ADGRB2: variants seen among roughly 807,000 people sequenced by gnomAD.
ADGRB2 encodes brain-specific angiogenesis inhibitor 2.
In ADGRB2, 47 loss-of-function variants were observed where a neutral mutation model predicts 178.7. The observed-to-expected ratio is 0.26, with a 90% CI of 0.21 to 0.34. The LOEUF is 0.34. Ranked by LOEUF, ADGRB2 falls within the 10% of genes least tolerant of loss-of-function variation. The pLI is 1.00. For synonymous variants in ADGRB2, 870 were observed against 912.4 expected (o/e 0.95, Z 0.84); for missense variants, 1,584 against 2,180.8 (o/e 0.73, Z 5.45).
Position 31,741,588 on chromosome 1 carries a change from G to GGGT in ADGRB2, c.1687+33_1687+35dup, listed in dbSNP as rs772455752. 1.2e-5 allele frequency: 20 copies of GGGT among 1,606,288 alleles called. No individual in the cohort carries two copies. Among genetic ancestry groups the GGGT allele is most frequent in the East Asian group, 8.9e-5 (4 of 44,790 alleles). On this transcript the variant is annotated intron_variant, in intron 10 of 32. Coordinates refer to ENST00000373658, the MANE Select transcript of ADGRB2 (RefSeq NM_001364857.2). This position sits in a 1 kb window ranked among gnomAD's most constrained non-coding sequence, Gnocchi z 6.5. ...CAGAAGGGGGCAATGAGAATGGCAG[G>GGGT]GGTGGTGGTGGTGGGGAAAGCCACC...
intron 4 of ADGRB2, among the ~76,000 whole-genome samples, chr1:31,748,010 C>T (rs1008525953): frequency 7.2e-5 from 11 of 152,222 alleles, no homozygotes; most frequent in Non-Finnish European, 2.9e-5. Context: ...TGCCCATCGT[C>T]GTGTCTGGGG....
chr1:31,729,600 C>T (rs1012064857), intron 29 of ADGRB2, among the ~76,000 whole-genome samples: 9 of 152,376 alleles, frequency 5.9e-5, no homozygotes, highest in Middle Eastern at 6.8e-3. Flanking sequence ...AGGCACTGCA[C>T]ATGCAGCTCA....
rs1221025659 is a variant in ADGRB2 at position 31,753,566 on chromosome 1, G to A, written c.838+2433C>T. Among the ~76,000 whole-genome samples the A allele has an allele frequency of 2.0e-5, 3 of 152,166 alleles. No homozygotes were observed. Among genetic ancestry groups the A allele is most frequent in the Non-Finnish European group, 4.4e-5 (3 of 68,028 alleles). ...GCCTGGGAGAGGGGCCAGGACAAGGGTCTCACCCTTCCTGCTCACTACCAT... is the reference window on the plus strand; with the variant it reads ...GCCTGGGAGAGGGGCCAGGACAAGGATCTCACCCTTCCTGCTCACTACCAT... On this transcript the variant is annotated intron_variant, in intron 4 of 32. Coordinates refer to ENST00000373658, the MANE Select transcript of ADGRB2 (RefSeq NM_001364857.2). The surrounding 1 kb of genome is among the most constrained non-coding windows in gnomAD (Gnocchi z 4.1).
rs778857485 is a variant in ADGRB2, at chr1:31,728,288, C to T, written c.4417-8G>A. ...CCGGGTGTGCATCACCTTCTAGGGG[C>T]CACAGGGCATCAGAGGGTCGCTCCC... On this transcript the variant is annotated splice_polypyrimidine_tract_variant and splice_region_variant and intron_variant, in intron 30 of 32. Transcript: ENST00000373658. This position sits in a 1 kb window ranked among gnomAD's most constrained non-coding sequence, Gnocchi z 6.7. 3.7e-6 allele frequency: 6 copies of T among 1,613,246 alleles called. No individual in the cohort carries two copies. The highest frequency in any genetic ancestry group is 5.1e-6 in the Non-Finnish European group (6 of 1,179,712).
chr1:31,757,891 G>A (rs576919526), intron 1 of ADGRB2, among the ~76,000 whole-genome samples: 16 of 152,254 alleles, frequency 1.1e-4, no homozygotes, highest in Middle Eastern at 3.4e-3. Context: ...CTCCCAACAG[G>A]TGTGAATGTA....
chr1:31,742,785 A>AC, intron 7 of ADGRB2, 53 bp downstream of exon 7: 1 of 1,361,592 alleles, frequency 7.3e-7, no homozygotes, highest in African/African-American at 1.5e-5. Context: ...AGGTCTCCCG[A>AC]CCCCCCACCG....
chr1:31,727,776 G>A lies in ADGRB2; in HGVS notation c.4573-171C>T, dbSNP rs1283476842. 3 of 884,108 alleles carry A rather than the reference G, an allele frequency of 3.4e-6. No homozygotes were observed. The highest frequency in any genetic ancestry group is 3.0e-5 in the Admixed American group (1 of 33,436). 54.8% of individuals were successfully genotyped at this position (884,108 alleles called of 1,614,324 possible). The stretch of plus-strand genomic sequence containing the variant: ...TGCCTGGTTCCAGGGTGGGGCTCCT[G>A]ACCCCTGTTCTCAGTGGCCCCCAGG... On this transcript the variant is annotated intron_variant, in intron 32 of 32. Coordinates refer to ENST00000373658, the MANE Select transcript of ADGRB2 (RefSeq NM_001364857.2). This position sits in a 1 kb window ranked among gnomAD's most constrained non-coding sequence, Gnocchi z 4.4.
In ADGRB2 at chr1:31,741,603, G is replaced by A. The variant is rs1158644075; in HGVS notation, c.1687+21C>T. On this transcript the variant is annotated intron_variant, in intron 10 of 32. Transcript: ENST00000373658. This position sits in a 1 kb window ranked among gnomAD's most constrained non-coding sequence, Gnocchi z 6.5. Reference sequence around the variant, plus strand: ...AGAATGGCAGGGGTGGTGGTGGTGGGGAAAGCCACCTGCCCCTTACCTGAG... The same window carrying A: ...AGAATGGCAGGGGTGGTGGTGGTGGAGAAAGCCACCTGCCCCTTACCTGAG... 6.2e-7 allele frequency: 1 copy of A among 1,610,552 alleles called. No individual in the cohort carries two copies. Among genetic ancestry groups the A allele is most frequent in the African/African-American group, 1.3e-5 (1 of 74,830 alleles).
chr1:31,754,608 A>G lies in ADGRB2; in HGVS notation c.838+1391T>C, dbSNP rs1557787143. 1.3e-5 allele frequency among the ~76,000 whole-genome samples: 2 copies of G among 152,248 alleles called. No homozygotes were observed. The highest frequency in any genetic ancestry group is 2.9e-5 in the Non-Finnish European group (2 of 68,034). ...TCGGACGGCTTCATTGACCGCCGTTAGAGGCCAAGCTAGCCTGGGAGAGAG... is the reference window on the plus strand; with the variant it reads ...TCGGACGGCTTCATTGACCGCCGTTGGAGGCCAAGCTAGCCTGGGAGAGAG... On this transcript the variant is annotated intron_variant, in intron 4 of 32. Coordinates refer to ENST00000373658, the MANE Select transcript of ADGRB2 (RefSeq NM_001364857.2). This position sits in a 1 kb window ranked among gnomAD's most constrained non-coding sequence, Gnocchi z 5.7.
chr1:31,742,622 G>C (rs1222811243), intron 7 of ADGRB2, among the ~76,000 whole-genome samples: 1 of 152,238 alleles, frequency 6.6e-6, no homozygotes, highest in Non-Finnish European at 1.5e-5. Context: ...TCTTGATGGC[G>C]TCACAGGGTA....
Position 31,755,723 on chromosome 1 carries a change from T to G in ADGRB2, c.838+276A>C, listed in dbSNP as rs1646797513. Among the ~76,000 whole-genome samples, 1 of 151,770 alleles carries G rather than the reference T, an allele frequency of 6.6e-6. No homozygotes were observed. The highest frequency in any genetic ancestry group is 1.5e-5 in the Non-Finnish European group (1 of 67,922). On this transcript the variant is annotated intron_variant, in intron 4 of 32. Transcript: ENST00000373658. The surrounding 1 kb of genome is among the most constrained non-coding windows in gnomAD (Gnocchi z 5.1). ...CCTGTATTACTTCCTTCAGGGAGCC[T>G]CCCCTGGCTGCCCAGTTAGGAGGTC...
rs999847035 is a variant in ADGRB2, at chr1:31,764,294, T to TCCTCCGGCC, written c.-610_-602dup. 10 of 155,682 alleles carry TCCTCCGGCC rather than the reference T, an allele frequency of 6.4e-5. No homozygotes were observed. Among genetic ancestry groups the TCCTCCGGCC allele is most frequent in the Non-Finnish European group, 1.3e-4 (10 of 75,672 alleles). 9.6% of individuals were successfully genotyped at this position (155,682 alleles called of 1,614,324 possible). A position where few individuals can be genotyped will look rare whatever the true frequency, so the allele number is the denominator to read the frequency against. ...CGCCGCCGCTGCCGCCGAACCCGGT[T>TCCTCCGGCC]CCTCCGGCCGCTCCGGCCGCTGCCC... On this transcript the variant is annotated 5_prime_UTR_variant, in exon 1 of 33. Coordinates refer to ENST00000373658, the MANE Select transcript of ADGRB2 (RefSeq NM_001364857.2). This position sits in a 1 kb window ranked among gnomAD's most constrained non-coding sequence, Gnocchi z 7.3.
At chr1:31,750,180 G>C (rs1014176030) in intron 4 of ADGRB2, among the ~76,000 whole-genome samples, 1 of 152,118 alleles carries the variant, frequency 6.6e-6, no homozygotes, top group Non-Finnish European at 1.5e-5. Flanking sequence ...CAGTGGTTTC[G>C]ATATGCTGGT....
At chr1:31,750,163 G>A (rs1557779552) in intron 4 of ADGRB2, among the ~76,000 whole-genome samples, 1 of 152,146 alleles carries the variant, frequency 6.6e-6, no homozygotes, top group Non-Finnish European at 1.5e-5. Context: ...TTCCTAGACT[G>A]ACAATACAGT....
At chr1:31,732,866 G>A (rs1398494684) in intron 26 of ADGRB2, 106 bp downstream of exon 26, 6 of 1,415,130 alleles carry the variant, frequency 4.2e-6, no homozygotes, top group Non-Finnish European at 5.7e-6. Flanking sequence ...ATGGGGCCTG[G>A]GGCACCCTGG....
At chr1:31,760,799 G>A (rs1263846310) in intron 1 of ADGRB2, 1 of 152,246 alleles carries the variant, frequency 6.6e-6, no homozygotes, top group African/African-American at 2.4e-5. Flanking sequence ...AGGGTCCTCA[G>A]GAGCCGCTCT....
At position 31,733,043 on chromosome 1, in the gene ADGRB2, C is replaced by A; in HGVS notation, c.3553G>T (p.Ala1185Ser). ...GCGGAGTTGAAGACAGCAAAGAGGG[C>A]CTGGAAGAGGACGGAACGGCGGTCT... ...MTDRRSVLFQALFAVFNSAQG... is the reference protein window; with the variant it reads ...MTDRRSVLFQSLFAVFNSAQG... The change falls in exon 26 of 33, where the codon GCC (alanine) becomes TCC (serine). Residue 1185 changes from alanine (A) to serine (S), a missense_variant. Transcript: ENST00000373658. The surrounding 1 kb of genome is among the most constrained non-coding windows in gnomAD (Gnocchi z 4.3). 1.3e-6 allele frequency: 2 copies of A among 1,577,098 alleles called. No homozygotes were observed. Among genetic ancestry groups the A allele is most frequent in the Non-Finnish European group, 1.7e-6 (2 of 1,161,584 alleles).
rs1645394769 is a variant in ADGRB2, at chr1:31,733,347, A to G, written c.3453-204T>C. 6.6e-6 allele frequency among the ~76,000 whole-genome samples: 1 copy of G among 152,200 alleles called. No homozygotes were observed. The highest frequency in any genetic ancestry group is 1.5e-5 in the Non-Finnish European group (1 of 68,034). Reference sequence around the variant, plus strand: ...GAACAGAGACCGAAAGCAGCGAACTACGGGGTCAGAGCAGGGACCAGGAAG... The same window carrying G: ...GAACAGAGACCGAAAGCAGCGAACTGCGGGGTCAGAGCAGGGACCAGGAAG... On this transcript the variant is annotated intron_variant, in intron 25 of 32. Transcript: ENST00000373658. This position sits in a 1 kb window ranked among gnomAD's most constrained non-coding sequence, Gnocchi z 4.3.
intron 17 of ADGRB2, 81 bp from the exon 18 acceptor site, chr1:31,738,407 G>A (rs1423779323): frequency 2.5e-6 from 4 of 1,589,912 alleles, no homozygotes; most frequent in Non-Finnish European, 3.4e-6. Flanking sequence ...CCAAGGACAG[G>A]CTAAATCCAC....
Sources: gnomAD v4.1 joint callset for allele counts (sites outside exome capture counted in the v4.1 genomes callset) on GRCh38, gnomAD v4.1.1 for gene constraint, Gnocchi (gnomAD v3.1) non-coding constraint, MANE v1.5 for transcripts, NCBI Gene and HGNC (gene_info 2026-07-23, HGNC 2026-07-21) for gene names.